Variants in PSTPIP2 observed in about 807,000 individuals in gnomAD.
PSTPIP2 encodes the protein proline-serine-threonine phosphatase interacting protein 2, also known as proline-serine-threonine phosphatase-interacting protein 2.
In PSTPIP2, 33 loss-of-function variants were observed where a neutral mutation model predicts 63.3. The ratio of observed to expected loss-of-function variants is 0.52; its 90% CI spans 0.40 to 0.70. The LOEUF is 0.70. Among genes scored for constraint, PSTPIP2 ranks in the 30% least tolerant of loss-of-function variants. The pLI is 0.00. For synonymous variants in PSTPIP2, 125 were observed against 132.7 expected, an observed-to-expected ratio of 0.94 and a Z score of 0.40; for missense variants, 312 against 400.7, an observed-to-expected ratio of 0.78 and a Z score of 1.89.
At chr18:46,044,827 C>A (rs1014111889) in intron 1 of PSTPIP2, among the ~76,000 whole-genome samples, 19 of 152,138 alleles carry the variant, frequency 1.2e-4, no homozygotes, top group African/African-American at 4.6e-4. Context: ...AAACAAACAA[C>A]CCCATCAAAA....
chr18:46,030,227 A>G (rs1907741238), intron 2 of PSTPIP2, among the ~76,000 whole-genome samples: 1 of 152,256 alleles, frequency 6.6e-6, no homozygotes, highest in Non-Finnish European at 1.5e-5. Flanking sequence ...CAGTTGAGTC[A>G]CAAGAGAAGC....
chr18:46,001,446 G>GT (rs989983131), intron 6 of PSTPIP2, among the ~76,000 whole-genome samples: 10 of 151,506 alleles, frequency 6.6e-5, no homozygotes, highest in Non-Finnish European at 1.5e-5. Flanking sequence ...CCAATTGTTT[G>GT]TTTTTTTTCT....
At chr18:45,986,819 A>G (rs1212827560) in intron 14 of PSTPIP2, among the ~76,000 whole-genome samples, 4 of 152,204 alleles carry the variant, frequency 2.6e-5, no homozygotes, top group Admixed American at 6.5e-5. Flanking sequence ...TTAAGGACTT[A>G]TGTTTAAATA....
At chr18:46,006,057 A>T (rs2051722354) in intron 5 of PSTPIP2, among the ~76,000 whole-genome samples, 1 of 151,904 alleles carries the variant, frequency 6.6e-6, no homozygotes. Context: ...CTTTTATTCC[A>T]TTTTTTTATT....
chr18:46,014,109 AC>A (rs1317239807), intron 4 of PSTPIP2, among the ~76,000 whole-genome samples: 1 of 151,606 alleles, frequency 6.6e-6, no homozygotes, highest in African/African-American at 2.4e-5. Flanking sequence ...TACTACCTCT[AC>A]TTCCCAGGTT....
intron 2 of PSTPIP2, among the ~76,000 whole-genome samples, chr18:46,036,296 A>C (rs1907978350): frequency 6.6e-6 from 1 of 150,694 alleles, no homozygotes; most frequent in Non-Finnish European, 1.5e-5. Flanking sequence ...TGTAACAATT[A>C]GTTGTTACAA....
At chr18:46,070,886 C>T (rs902707571) in intron 1 of PSTPIP2, among the ~76,000 whole-genome samples, 1 of 152,180 alleles carries the variant, frequency 6.6e-6, no homozygotes, top group Non-Finnish European at 1.5e-5. Flanking sequence ...CCTCTGCTGA[C>T]TTCCTTATTT....
intron 10 of PSTPIP2, among the ~76,000 whole-genome samples, chr18:45,992,731 T>G (rs1457029985): frequency 1.3e-5 from 2 of 151,546 alleles, no homozygotes; most frequent in African/African-American, 4.9e-5. Flanking sequence ...TTTATTATTT[T>G]TTTTTAGACA....
At chr18:45,995,408 G>T (rs530612824) in intron 9 of PSTPIP2, among the ~76,000 whole-genome samples, 17 of 152,242 alleles carry the variant, frequency 1.1e-4, no homozygotes, top group African/African-American at 4.1e-4. Context: ...TGGCCTTTAT[G>T]CAGGTTTTTA....
intron 6 of PSTPIP2, among the ~76,000 whole-genome samples, chr18:46,001,201 A>G (rs914108383): frequency 6.6e-6 from 1 of 152,220 alleles, no homozygotes; most frequent in Non-Finnish European, 1.5e-5. Flanking sequence ...ACTAGTTTAC[A>G]TTCCCACCAA....
intron 2 of PSTPIP2, chr18:46,028,699 A>G (rs754046890): frequency 1.8e-5 from 16 of 877,444 alleles, no homozygotes; most frequent in Admixed American, 8.8e-5. Context: ...AAAGATAATG[A>G]TGAAAAATGC....
At chr18:46,069,116 T>C (rs60492180) in intron 1 of PSTPIP2, among the ~76,000 whole-genome samples, 6,422 of 152,144 alleles carry the variant, frequency 0.042, 444 homozygotes, top group African/African-American at 0.15. Flanking sequence ...CAGGGACGAT[T>C]TGGACCTCAC....
chr18:46,065,027 C>T (rs1599752966), intron 1 of PSTPIP2, among the ~76,000 whole-genome samples: 2 of 151,318 alleles, frequency 1.3e-5, no homozygotes. Context: ...GCCTGTAATT[C>T]CAGCTACTTG....
intron 1 of PSTPIP2, among the ~76,000 whole-genome samples, chr18:46,041,582 G>T (rs1280589062): frequency 1.3e-5 from 2 of 151,998 alleles, no homozygotes; most frequent in Non-Finnish European, 2.9e-5. Context: ...ATTCTACTGT[G>T]CTCTCCAAGG....
chr18:46,001,832 A>G (rs1437866214), intron 6 of PSTPIP2, among the ~76,000 whole-genome samples: 1 of 152,204 alleles, frequency 6.6e-6, no homozygotes, highest in Non-Finnish European at 1.5e-5. Flanking sequence ...AATGCAAAAT[A>G]AGCACATCAT....
intron 14 of PSTPIP2, among the ~76,000 whole-genome samples, chr18:45,987,462 A>G (rs2051479742): frequency 6.8e-6 from 1 of 147,348 alleles, no homozygotes; most frequent in South Asian, 2.1e-4. Flanking sequence ...AGGGCATACA[A>G]CTAACAAGAA....
chr18:45,992,411 A>T (rs2051545722), intron 10 of PSTPIP2, among the ~76,000 whole-genome samples: 1 of 151,856 alleles, frequency 6.6e-6, no homozygotes, highest in African/African-American at 2.4e-5. Context: ...AAATACAAAA[A>T]ATTAGCCAGG....
intron 1 of PSTPIP2, among the ~76,000 whole-genome samples, chr18:46,050,338 G>C (rs193140048): frequency 6.6e-6 from 1 of 152,306 alleles, no homozygotes; most frequent in African/African-American, 2.4e-5. Context: ...GGGAGGCCAA[G>C]GTGGGCGGTT....
At chr18:46,057,233 C>A (rs1229921548) in intron 1 of PSTPIP2, among the ~76,000 whole-genome samples, 1 of 152,196 alleles carries the variant, frequency 6.6e-6, no homozygotes, top group Non-Finnish European at 1.5e-5. Flanking sequence ...TCCACAGGGG[C>A]CTCCCTCAGA....
Sources: allele counts gnomAD v4.1 joint callset (sites outside exome capture counted in the v4.1 genomes callset), GRCh38; gene constraint gnomAD v4.1.1; transcripts MANE v1.5; gene names NCBI Gene and HGNC (gene_info 2026-07-23, HGNC 2026-07-21).